Variants in CAMKMT observed in about 807,000 individuals in gnomAD.
The protein encoded by CAMKMT is calmodulin-lysine N-methyltransferase, also known as CaM KMT.
A neutral mutation model predicts 48.0 loss-of-function variants in CAMKMT; 53 were observed. The observed-to-expected ratio is 1.10, with a 90% CI of 0.89 to 1.39. CAMKMT has a LOEUF of 1.39. Ranked by LOEUF, CAMKMT falls within the 40% of genes most tolerant of loss-of-function variation. CAMKMT has a pLI of 0.00. For synonymous variants in CAMKMT, 165 were observed against 152.3 expected, an observed-to-expected ratio of 1.08 and a Z score of -0.61; for missense variants, 428 against 402.7, an observed-to-expected ratio of 1.06 and a Z score of -0.54.
intron 3 of CAMKMT, among the ~76,000 whole-genome samples, chr2:44,444,284 T>G (rs1433420573): frequency 6.6e-6 from 1 of 152,224 alleles, no homozygotes. Context: ...ATGAAATCCA[T>G]GAAATAATTT....
rs1467195823 is a variant in CAMKMT at position 44,657,806 on chromosome 2, GA to G, written c.377-46475del. Among the ~76,000 whole-genome samples, 1 of 152,112 alleles carries G rather than the reference GA, an allele frequency of 6.6e-6. No individual in the cohort carries two copies. The highest frequency in any genetic ancestry group is 1.5e-5 in the Non-Finnish European group (1 of 68,010). ...TTCTCAAACATTTCTGCTAACCAAA[GA>G]AGGAAAATGAGATTGTACCCCTTTA... On this transcript the variant is annotated intron_variant, in intron 3 of 10. Transcript: ENST00000378494. The surrounding 1 kb of genome is among the most constrained non-coding windows in gnomAD (Gnocchi z 4.3).
chr2:44,510,926 C>A (rs1670513785), intron 3 of CAMKMT, among the ~76,000 whole-genome samples: 1 of 152,040 alleles, frequency 6.6e-6, no homozygotes, highest in Admixed American at 6.6e-5. Flanking sequence ...CTGCATGCTC[C>A]ACCTCTTGGG....
intron 3 of CAMKMT, among the ~76,000 whole-genome samples, chr2:44,528,088 C>T (rs1666261301): frequency 6.6e-6 from 1 of 152,108 alleles, no homozygotes; most frequent in Non-Finnish European, 1.5e-5. Flanking sequence ...TTTGGTGCAG[C>T]AAACCAGTTG....
At chr2:44,740,541 A>G (rs1412468391) in intron 7 of CAMKMT, among the ~76,000 whole-genome samples, 1 of 152,156 alleles carries the variant, frequency 6.6e-6, no homozygotes, top group Non-Finnish European at 1.5e-5. Context: ...CAAAATAATG[A>G]CCTAGGATAG....
intron 3 of CAMKMT, among the ~76,000 whole-genome samples, chr2:44,487,870 A>G (rs1161960166): frequency 6.6e-6 from 1 of 152,282 alleles, no homozygotes; most frequent in Non-Finnish European, 1.5e-5. Flanking sequence ...TCAATGAAGT[A>G]ATTCTGCTTC....
intron 3 of CAMKMT, among the ~76,000 whole-genome samples, chr2:44,398,402 C>A (rs1025927233): frequency 2.0e-5 from 3 of 152,050 alleles, no homozygotes; most frequent in Non-Finnish European, 2.9e-5. Context: ...GATTAAAGGT[C>A]AAGAAAAATG....
chr2:44,715,766 C>T (rs1016315853), intron 7 of CAMKMT, among the ~76,000 whole-genome samples: 1 of 151,980 alleles, frequency 6.6e-6, no homozygotes, highest in African/African-American at 2.4e-5. Context: ...GGTAGGAGAG[C>T]GGGGAATGTT....
chr2:44,768,368 T>A lies in CAMKMT; in HGVS notation c.894+1807T>A, dbSNP rs1400864452. Among the ~76,000 whole-genome samples the A allele has an allele frequency of 5.9e-3, 860 of 144,906 alleles. 5 individuals are homozygous for A. The highest frequency in any genetic ancestry group is 9.7e-3 in the Non-Finnish European group (634 of 65,520). The stretch of plus-strand genomic sequence containing the variant: ...ATATATATATATATATATATTTTTT[T>A]TTTTTTTTTAATAATGAGAGCTATT... On this transcript the variant is annotated intron_variant, in intron 10 of 10. Coordinates refer to ENST00000378494, the MANE Select transcript of CAMKMT (RefSeq NM_024766.5).
intron 3 of CAMKMT, among the ~76,000 whole-genome samples, chr2:44,416,095 A>G (rs1399938114): frequency 6.6e-6 from 1 of 152,216 alleles, no homozygotes; most frequent in African/African-American, 2.4e-5. Context: ...TTTATGAAGT[A>G]TGGTTGGGTT....
chr2:44,668,760 C>A (rs1013751730), intron 3 of CAMKMT, among the ~76,000 whole-genome samples: 8 of 152,028 alleles, frequency 5.3e-5, no homozygotes, highest in Admixed American at 2.6e-4. Flanking sequence ...TTTTTGCCAT[C>A]ATTTACTTGC....
intron 3 of CAMKMT, among the ~76,000 whole-genome samples, chr2:44,700,051 T>C (rs6719767): frequency 0.37 from 56,029 of 152,150 alleles, 11,310 homozygotes; most frequent in East Asian, 0.88. Context: ...TGCTACAGCT[T>C]CTACATCAGC....
intron 3 of CAMKMT, among the ~76,000 whole-genome samples, chr2:44,517,054 A>G (rs1350548454): frequency 6.6e-6 from 1 of 152,160 alleles, no homozygotes; most frequent in East Asian, 1.9e-4. Context: ...GTGGTTTTGA[A>G]GAGCTTGAAT....
At chr2:44,507,433 G>T (rs1046499879) in intron 3 of CAMKMT, among the ~76,000 whole-genome samples, 3 of 151,836 alleles carry the variant, frequency 2.0e-5, no homozygotes, top group African/African-American at 7.3e-5. Flanking sequence ...CCTTTTTATT[G>T]ACTGCAAAAA....
chr2:44,733,584 T>A (rs1244534190), intron 7 of CAMKMT, among the ~76,000 whole-genome samples: 2 of 152,204 alleles, frequency 1.3e-5, no homozygotes, highest in Non-Finnish European at 2.9e-5. Context: ...TTTTCATAGA[T>A]GACCTTTTTC....
At chr2:44,484,719 T>C (rs1669132871) in intron 3 of CAMKMT, among the ~76,000 whole-genome samples, 1 of 150,528 alleles carries the variant, frequency 6.6e-6, no homozygotes, top group South Asian at 2.1e-4. Context: ...ACAGAAAAGA[T>C]TGATAAATTG....
intron 3 of CAMKMT, among the ~76,000 whole-genome samples, chr2:44,527,405 G>GTA (rs1359068560): frequency 3.1e-5 from 4 of 127,576 alleles, no homozygotes; most frequent in Admixed American, 9.3e-5. Context: ...ATGTATATAC[G>GTA]TATATATATT....
At chr2:44,519,056 A>C (rs1054260122) in intron 3 of CAMKMT, among the ~76,000 whole-genome samples, 5 of 152,238 alleles carry the variant, frequency 3.3e-5, no homozygotes, top group Non-Finnish European at 5.9e-5. Flanking sequence ...AATGTAATGA[A>C]AGTGATACGG....
At position 44,653,201 on chromosome 2, in the gene CAMKMT, T is replaced by G. The variant is rs1674189756; in HGVS notation, c.377-51082T>G. The stretch of plus-strand genomic sequence containing the variant: ...CACTTCACTAGCTCGTGAGCTCCTT[T>G]AAAGCAAGGGACATCTCCTCTGCTT... On this transcript the variant is annotated intron_variant, in intron 3 of 10. Transcript: ENST00000378494. This position sits in a 1 kb window ranked among gnomAD's most constrained non-coding sequence, Gnocchi z 5.2. Among the ~76,000 whole-genome samples, 1 of 152,148 alleles carries G rather than the reference T, an allele frequency of 6.6e-6. No individual in the cohort carries two copies. Among genetic ancestry groups the G allele is most frequent in the Non-Finnish European group, 1.5e-5 (1 of 68,030 alleles).
chr2:44,441,600 AAC>A (rs1435327679), intron 3 of CAMKMT, among the ~76,000 whole-genome samples: 1 of 152,118 alleles, frequency 6.6e-6, no homozygotes, highest in Non-Finnish European at 1.5e-5. Flanking sequence ...TTTTAAACCC[AAC>A]ACAGACTGAA....
Sources: gnomAD v4.1 joint callset for allele counts (sites outside exome capture counted in the v4.1 genomes callset) on GRCh38, gnomAD v4.1.1 for gene constraint, Gnocchi (gnomAD v3.1) non-coding constraint, MANE v1.5 for transcripts, NCBI Gene and HGNC (gene_info 2026-07-23, HGNC 2026-07-21) for gene names.